FAM120A: variants seen among roughly 807,000 people sequenced by gnomAD.
FAM120A encodes constitutive coactivator of PPAR-gamma-like protein 1.
A neutral mutation model predicts 109.7 loss-of-function variants in FAM120A; 15 were observed. The observed-to-expected ratio is 0.14, with a 90% confidence interval of 0.09 to 0.21. FAM120A has a LOEUF of 0.21. Among genes scored for constraint, FAM120A ranks in the 10% least tolerant of loss-of-function variants. The probability of loss-of-function intolerance (pLI) is 1.00; values close to 1 mark genes in which losing one functional copy is unlikely to be tolerated. For synonymous variants in FAM120A, 493 were observed against 572.8 expected (o/e 0.86, Z 1.99); for missense variants, 899 against 1,439.3 (o/e 0.62, Z 6.07).
At chr9:93,530,225 G>A (rs143505994) in intron 9 of FAM120A, 1 of 152,586 alleles carries the variant, frequency 6.6e-6, no homozygotes, top group East Asian at 1.9e-4. Flanking sequence ...TAATCTTGGT[G>A]TCTCAAATGT....
chr9:93,453,699 G>T, intron 1 of FAM120A: 1 of 883,506 alleles, frequency 1.1e-6, no homozygotes, highest in South Asian at 5.2e-5. Flanking sequence ...CAGACACACA[G>T]CTGCCATTCC....
chr9:93,511,936 C>T (rs935138673), intron 5 of FAM120A, among the ~76,000 whole-genome samples: 3 of 152,152 alleles, frequency 2.0e-5, no homozygotes, highest in Non-Finnish European at 2.9e-5. Flanking sequence ...GGGTTATAGG[C>T]GCCTGCCACC....
intron 11 of FAM120A, among the ~76,000 whole-genome samples, chr9:93,547,971 A>G (rs564432504): frequency 1.3e-5 from 2 of 152,328 alleles, no homozygotes; most frequent in South Asian, 2.1e-4. Context: ...GATGGAGGAA[A>G]TAGCAGATAG....
At chr9:93,515,923 GCCTGGGCCTGAGTCGGGT>G (rs1860553395) in intron 6 of FAM120A, 42 bp from the exon 7 acceptor site, 1 of 726,996 alleles carries the variant, frequency 1.4e-6, no homozygotes, top group Admixed American at 2.7e-5. Flanking sequence ...GGAAACGTCA[GCCTGGGCCTGAGTCGGGT>G]CCTGCTGGCC....
rs1554770534 is a variant in FAM120A, at chr9:93,451,881, C to CCGCCCGCACCCG, written c.-27_-16dup. 3 of 1,208,490 alleles carry CCGCCCGCACCCG rather than the reference C, an allele frequency of 2.5e-6. No homozygotes were observed. Among genetic ancestry groups the CCGCCCGCACCCG allele is most frequent in the Non-Finnish European group, 3.1e-6 (3 of 974,240 alleles). The allele number at this position is 1,208,490 out of a possible 1,614,324, so 74.9% of individuals were successfully genotyped here. On this transcript the variant is annotated 5_prime_UTR_variant, in exon 1 of 18. Coordinates refer to ENST00000277165, the MANE Select transcript of FAM120A (RefSeq NM_014612.5). ...CCACCACCCCCGGCCCCGCCGCCCC[C>CCGCCCGCACCCG]CGCCCGCACCCGCGCCCGCGCCCCC...
At chr9:93,457,961 C>T (rs1471139139) in intron 1 of FAM120A, among the ~76,000 whole-genome samples, 1 of 152,136 alleles carries the variant, frequency 6.6e-6, no homozygotes, top group Non-Finnish European at 1.5e-5. Flanking sequence ...TGGCCACTTC[C>T]ATAGTATATT....
chr9:93,484,387 C>G (rs576754620), intron 3 of FAM120A, among the ~76,000 whole-genome samples: 16 of 152,108 alleles, frequency 1.1e-4, no homozygotes, highest in Non-Finnish European at 2.4e-4. Context: ...TCCTGATTGA[C>G]CTGGAATGGA....
At chr9:93,513,405 C>T (rs1424471353) in intron 5 of FAM120A, among the ~76,000 whole-genome samples, 1 of 152,176 alleles carries the variant, frequency 6.6e-6, no homozygotes, top group African/African-American at 2.4e-5. Flanking sequence ...CTTGATCATG[C>T]ACACACATCC....
rs530178427 is a variant in FAM120A at position 93,532,900 on chromosome 9, G to A, written c.1909+571G>A. ...TTCCAGCTGATCAACTCTGGGAGTGGGGGGTGCAGGTGGAAACACTGAAAA... is the reference window on the plus strand; with the variant it reads ...TTCCAGCTGATCAACTCTGGGAGTGAGGGGTGCAGGTGGAAACACTGAAAA... On this transcript the variant is annotated intron_variant, in intron 10 of 17. Coordinates refer to ENST00000277165, the MANE Select transcript of FAM120A (RefSeq NM_014612.5). The surrounding 1 kb of genome is among the most constrained non-coding windows in gnomAD (Gnocchi z 4.3). 2.0e-5 allele frequency among the ~76,000 whole-genome samples: 3 copies of A among 152,318 alleles called. No individual in the cohort carries two copies. In the South Asian group the frequency reaches 6.2e-4, roughly 32 times the overall value.
Position 93,490,194 on chromosome 9 carries a change from T to G in FAM120A, c.805-7277T>G, listed in dbSNP as rs1459770041. Among the ~76,000 whole-genome samples the G allele has an allele frequency of 2.6e-5, 4 of 152,374 alleles. No homozygotes were observed. The South Asian group carries it at 6.2e-4, about 24-fold the overall frequency. On this transcript the variant is annotated intron_variant, in intron 3 of 17. Coordinates refer to ENST00000277165, the MANE Select transcript of FAM120A (RefSeq NM_014612.5). ...GCAGAGTACTTCCCCTTCACTGTTT[T>G]CCACTTGGTAATGAAGTGGATCAGT...
chr9:93,452,520 A>T lies in FAM120A; in HGVS notation c.474+131A>T, dbSNP rs771538981. Reference sequence around the variant, plus strand: ...CGAGTTCCCCCAGCCCTTGCCCGGGATAGCCTGGCCGGGCCGGGCTGCAAG... The same window carrying T: ...CGAGTTCCCCCAGCCCTTGCCCGGGTTAGCCTGGCCGGGCCGGGCTGCAAG... On this transcript the variant is annotated intron_variant, in intron 1 of 17. Coordinates refer to ENST00000277165, the MANE Select transcript of FAM120A (RefSeq NM_014612.5). This position sits in a 1 kb window ranked among gnomAD's most constrained non-coding sequence, Gnocchi z 7.0. 6.4e-7 allele frequency: 1 copy of T among 1,554,236 alleles called. No individual in the cohort carries two copies. Among genetic ancestry groups the T allele is most frequent in the Admixed American group, 1.9e-5 (1 of 52,454 alleles).
rs138634055 is a variant in FAM120A at position 93,558,634 on chromosome 9, C to T, written c.2722C>T (p.Arg908Cys). The change falls in exon 15 of 18, where the codon CGT (arginine) becomes TGT (cysteine). Residue 908 changes from arginine (R) to cysteine (C), a missense_variant. Physicochemically the swap from Arg to Cys is radical, Grantham distance 180. This residue lies in a region of FAM120A where 129 missense variants were observed against 153.4 expected (regional missense o/e 0.84). Transcript: ENST00000277165. ...YGETVATGPY[R>C]AFRVAAASGH... ...GGAAACGGTAGCAACAGGCCCTTAC[C>T]GTGCCTTCCGTGTGGCGGCAGCATC... 45 of 1,614,084 alleles carry T rather than the reference C, an allele frequency of 2.8e-5. No individual in the cohort carries two copies. Among genetic ancestry groups the T allele is most frequent in the Non-Finnish European group, 3.5e-5 (41 of 1,180,046 alleles).
chr9:93,491,426 A>T (rs1859314995), intron 3 of FAM120A, among the ~76,000 whole-genome samples: 1 of 152,280 alleles, frequency 6.6e-6, no homozygotes, highest in Admixed American at 6.5e-5. Flanking sequence ...TGTTTAGAAG[A>T]CTGCAGAACA....
chr9:93,545,272 A>G (rs949829406), intron 11 of FAM120A, among the ~76,000 whole-genome samples: 1 of 152,200 alleles, frequency 6.6e-6, no homozygotes, highest in Non-Finnish European at 1.5e-5. Flanking sequence ...CCAGTGCAGC[A>G]TGAGGGATCC....
chr9:93,504,942 A>T (rs1859965131), intron 5 of FAM120A, among the ~76,000 whole-genome samples: 1 of 151,970 alleles, frequency 6.6e-6, no homozygotes, highest in African/African-American at 2.4e-5. Flanking sequence ...ATATCCTGTA[A>T]AGGTTTCAGT....
rs77373602 is a variant in FAM120A, at chr9:93,512,536, A to T, written c.1031-3131A>T. ...TTTGCTTCTTGTCTTCAGTCTGCAT[A>T]TTTTTTTTTTTACCGAAAGCCCACC... On this transcript the variant is annotated intron_variant, in intron 5 of 17. Coordinates refer to ENST00000277165, the MANE Select transcript of FAM120A (RefSeq NM_014612.5). 2.7e-5 allele frequency among the ~76,000 whole-genome samples: 4 copies of T among 148,958 alleles called. No homozygotes were observed. In the East Asian group the frequency reaches 5.8e-4, roughly 22 times the overall value.
chr9:93,555,593 C>T (rs1332982591), intron 12 of FAM120A, among the ~76,000 whole-genome samples: 1 of 152,206 alleles, frequency 6.6e-6, no homozygotes, highest in African/African-American at 2.4e-5. Context: ...CTAGGCCTTT[C>T]ACATGCAGAT....
chr9:93,544,267 A>G (rs1449455355), intron 11 of FAM120A, among the ~76,000 whole-genome samples: 1 of 152,196 alleles, frequency 6.6e-6, no homozygotes, highest in East Asian at 1.9e-4. Context: ...GCCCTACAAG[A>G]TGCTTCAGGC....
At chr9:93,490,798 T>TA (rs1181150600) in intron 3 of FAM120A, among the ~76,000 whole-genome samples, 1 of 152,230 alleles carries the variant, frequency 6.6e-6, no homozygotes, top group African/African-American at 2.4e-5. Flanking sequence ...TTAGCTTCCT[T>TA]AAGACGCCCC....
Sources: gnomAD v4.1 joint callset for allele counts (sites outside exome capture counted in the v4.1 genomes callset) on GRCh38, gnomAD v4.1.1 for gene constraint, gnomAD v4.1.1 regional missense constraint, Gnocchi (gnomAD v3.1) non-coding constraint, MANE v1.5 for transcripts, NCBI Gene and HGNC (gene_info 2026-07-23, HGNC 2026-07-21) for gene names.